SCN11A: variants seen among roughly 807,000 people sequenced by gnomAD.
SCN11A encodes the protein sodium channel protein type 11 subunit alpha.
Under a neutral mutation model 162.2 loss-of-function variants are expected in SCN11A, and 122 were observed. That is an observed-to-expected ratio of 0.75 (90% CI 0.65 to 0.87). The LOEUF is 0.87. Among genes scored for constraint, SCN11A ranks in the 40% least tolerant of loss-of-function variants. The pLI is 0.00. For synonymous variants in SCN11A, 758 were observed against 751.5 expected (o/e 1.01, Z -0.14); for missense variants, 2,015 against 2,181.6 (o/e 0.92, Z 1.52).
chr3:38,988,953 G>A (rs2030358539), intron 2 of SCN11A, among the ~76,000 whole-genome samples: 1 of 152,112 alleles, frequency 6.6e-6, no homozygotes, highest in Non-Finnish European at 1.5e-5. Flanking sequence ...TAAAAACAAT[G>A]GCTGCATATT....
At chr3:38,953,552 T>G (rs1159736899) in intron 4 of SCN11A, among the ~76,000 whole-genome samples, 77 bp downstream of exon 4, 1 of 152,068 alleles carries the variant, frequency 6.6e-6, no homozygotes, top group Non-Finnish European at 1.5e-5. Context: ...TCTAATGACA[T>G]GCATGGATTT....
intron 26 of SCN11A, among the ~76,000 whole-genome samples, chr3:38,869,694 C>T (rs1393374200): frequency 6.6e-6 from 1 of 152,166 alleles, no homozygotes; most frequent in African/African-American, 2.4e-5. Flanking sequence ...CTACTACAGG[C>T]TGAGTATCCC....
Position 38,846,682 on chromosome 3 carries a change from G to A in SCN11A, c.*12C>T. 2 of 1,609,152 alleles carry A rather than the reference G, an allele frequency of 1.2e-6. No homozygotes were observed. Among genetic ancestry groups the A allele is most frequent in the Non-Finnish European group, 1.7e-6 (2 of 1,175,888 alleles). On this transcript the variant is annotated 3_prime_UTR_variant, in exon 30 of 30. Transcript: ENST00000302328. The stretch of plus-strand genomic sequence containing the variant: ...GGCTGTGAAGCTATGAGGTAGGCGT[G>A]GAGGTGAGGGCTCAGTCACAGTGGA...
intron 1 of SCN11A, among the ~76,000 whole-genome samples, chr3:39,043,009 C>G (rs1218318993): frequency 7.1e-6 from 1 of 141,766 alleles, no homozygotes; most frequent in East Asian, 2.1e-4. Context: ...AGCAAAAGAT[C>G]TGACTAGACA....
At chr3:38,946,346 C>G (rs1050363729) in intron 6 of SCN11A, among the ~76,000 whole-genome samples, 1 of 152,170 alleles carries the variant, frequency 6.6e-6, no homozygotes, top group Non-Finnish European at 1.5e-5. Context: ...AGCTGGAAAT[C>G]TGGAGTATTC....
chr3:38,907,860 A>G (rs1464592035), intron 14 of SCN11A, 89 bp downstream of exon 14: 1 of 1,141,946 alleles, frequency 8.8e-7, no homozygotes, highest in Non-Finnish European at 1.3e-6. Context: ...TGAGTAACTG[A>G]ATAAATGAAT....
At chr3:39,051,373 C>G (rs1414016170) in intron 1 of SCN11A, among the ~76,000 whole-genome samples, 1 of 151,988 alleles carries the variant, frequency 6.6e-6, no homozygotes, top group African/African-American at 2.4e-5. Context: ...TGAGAACGTG[C>G]GGTATTTGGT....
At chr3:38,968,034 G>C (rs551013573) in intron 2 of SCN11A, among the ~76,000 whole-genome samples, 14 of 152,300 alleles carry the variant, frequency 9.2e-5, no homozygotes, top group African/African-American at 3.4e-4. Context: ...CAGAGAACAG[G>C]GGTGTCACAC....
chr3:38,910,512 A>C (rs566028259), intron 11 of SCN11A, among the ~76,000 whole-genome samples: 2 of 151,894 alleles, frequency 1.3e-5, no homozygotes, highest in African/African-American at 4.8e-5. Flanking sequence ...TCCTGATCCC[A>C]CTTCTTAGAG....
intron 11 of SCN11A, among the ~76,000 whole-genome samples, chr3:38,919,433 TGA>T (rs2066011062): frequency 6.6e-6 from 1 of 152,178 alleles, no homozygotes; most frequent in Non-Finnish European, 1.5e-5. Context: ...ACCGCTAACC[TGA>T]AGGAAAAAAG....
Position 38,886,141 on chromosome 3 carries a change from A to G in SCN11A, c.2933T>C (p.Ile978Thr), listed in dbSNP as rs1198642290. Residue 978 changes from isoleucine to threonine, a missense_variant, in exon 20 of 30, where the codon ATA (isoleucine) becomes ACA (threonine). Ile to Thr is a moderately conservative substitution (Grantham distance 89). Transcript: ENST00000302328. ...GAAAATTACCTTTCGGGGATCCTGT[A>G]TGGTCAGATGAGGCTCATCTTCAGA... ...MFSEDEPHLT[I>T]QDPRKKSDVT... 3 of 1,610,862 alleles carry G rather than the reference A, an allele frequency of 1.9e-6. No individual in the cohort carries two copies. Among genetic ancestry groups the G allele is most frequent in the Middle Eastern group, 1.9e-4 (1 of 5,238 alleles).
At chr3:38,891,286 G>A (rs2065495229) in intron 19 of SCN11A, among the ~76,000 whole-genome samples, 1 of 152,028 alleles carries the variant, frequency 6.6e-6, no homozygotes, top group Admixed American at 6.5e-5. Flanking sequence ...TCACTAGAGA[G>A]ACCAACAGTA....
intron 26 of SCN11A, among the ~76,000 whole-genome samples, chr3:38,869,898 C>T (rs1272483533): frequency 6.6e-6 from 1 of 152,126 alleles, no homozygotes; most frequent in African/African-American, 2.4e-5. Flanking sequence ...CACTTCTGGT[C>T]CCAAGCATTT....
chr3:38,870,829 C>A, intron 25 of SCN11A, 85 bp from the exon 26 acceptor site: 1 of 1,151,630 alleles, frequency 8.7e-7, no homozygotes. Flanking sequence ...AGGTGAGGCC[C>A]AGTGGGCTGA....
At chr3:38,855,780 T>C (rs11928473) in intron 28 of SCN11A, among the ~76,000 whole-genome samples, 34,883 of 152,128 alleles carry the variant, frequency 0.23, 4,140 homozygotes, top group Non-Finnish European at 0.25. Context: ...ATACTAAATG[T>C]ATCTACAGCC....
intron 29 of SCN11A, chr3:38,850,000 T>C (rs2064748101): frequency 6.7e-6 from 1 of 149,870 alleles, no homozygotes; most frequent in South Asian, 2.1e-4. Flanking sequence ...GGGCCTTGTA[T>C]AGGGGTTGAA....
rs551435133 is a variant in SCN11A, at chr3:39,050,357, G to A, written c.-404+1504C>T. ...TCTGTATTAATTCCTGTCTCATCCT[G>A]GGACTCTAAGTTCTATGACTATGTG... On this transcript the variant is annotated intron_variant, in intron 1 of 29. Transcript: ENST00000302328. Among the ~76,000 whole-genome samples, 6 of 152,208 alleles carry A rather than the reference G, an allele frequency of 3.9e-5. No homozygotes were observed. The South Asian group carries it at 1.0e-3, about 26-fold the overall frequency.
At chr3:38,903,305 TCC>T (rs1403937592) in intron 16 of SCN11A, among the ~76,000 whole-genome samples, 1 of 152,130 alleles carries the variant, frequency 6.6e-6, no homozygotes, top group East Asian at 1.9e-4. Flanking sequence ...CCCTTAGTTT[TCC>T]CAATTTAACT....
intron 23 of SCN11A, among the ~76,000 whole-genome samples, chr3:38,873,188 A>G (rs1559499333): frequency 6.6e-6 from 1 of 152,278 alleles, no homozygotes; most frequent in East Asian, 1.9e-4. Context: ...TATTATCACA[A>G]TGGAATCAAT....
Sources: gnomAD v4.1 joint callset for allele counts (sites outside exome capture counted in the v4.1 genomes callset) on GRCh38, gnomAD v4.1.1 for gene constraint, MANE v1.5 for transcripts, NCBI Gene and HGNC (gene_info 2026-07-23, HGNC 2026-07-21) for gene names.